GLIS3: variants seen among roughly 807,000 people sequenced by gnomAD.
The protein encoded by GLIS3 is GLIS family zinc finger 3.
GLIS3 carries 53 observed loss-of-function variants against 78.6 expected under a neutral mutation model. The ratio of observed to expected loss-of-function variants is 0.67; its 90% CI spans 0.54 to 0.85. The LOEUF (loss-of-function observed/expected upper bound fraction) is 0.85, where lower values mean the gene tolerates loss of function less well. GLIS3 is among the 40% of genes least tolerant of loss of function. GLIS3 has a pLI of 0.00. For missense variants in GLIS3, 1,703 were observed against 1,231.1 expected (o/e 1.38, Z -5.74); for synonymous variants, 684 against 509.9 (o/e 1.34, Z -4.60).
At chr9:4,424,779 A>C in the GLIS3 span, among the ~76,000 whole-genome samples, 1 of 151,680 alleles carries the variant, frequency 6.6e-6, no homozygotes, top group Admixed American at 6.6e-5. Flanking sequence ...CATGTTGCCC[A>C]GGCTGGTCTT....
At chr9:4,430,018 CTCTT>C in the GLIS3 span, among the ~76,000 whole-genome samples, 3 of 144,608 alleles carry the variant, frequency 2.1e-5, no homozygotes, top group Non-Finnish European at 4.5e-5. Context: ...GAAATCTGTC[CTCTT>C]TCTATTAAAC....
chr9:4,368,924 A>G, the GLIS3 span, among the ~76,000 whole-genome samples: 3 of 152,232 alleles, frequency 2.0e-5, no homozygotes, highest in African/African-American at 4.8e-5. Context: ...TTCAATGAGA[A>G]TAATCTAAAC....
At chr9:4,361,219 G>A in the GLIS3 span, among the ~76,000 whole-genome samples, 3 of 152,230 alleles carry the variant, frequency 2.0e-5, no homozygotes, top group South Asian at 6.2e-4. Flanking sequence ...TTTTCTCTAG[G>A]CAGTCTTAAT....
At chr9:4,305,552 A>G (rs1364497761) in intron 4 of GLIS3, 1 of 152,260 alleles carries the variant, frequency 6.6e-6, no homozygotes, top group African/African-American at 2.4e-5. Flanking sequence ...CCCTTGGTCA[A>G]AGTGAATGGC....
chr9:4,261,496 A>G (rs12378556), intron 2 of GLIS3, among the ~76,000 whole-genome samples: 33,565 of 152,114 alleles, frequency 0.22, 4,284 homozygotes, highest in South Asian at 0.46. Flanking sequence ...CTATGGTAGA[A>G]TAAAACCAGG....
chr9:4,390,630 T>C, the GLIS3 span, among the ~76,000 whole-genome samples: 1 of 152,172 alleles, frequency 6.6e-6, no homozygotes, highest in Admixed American at 6.5e-5. Flanking sequence ...GTGGTGACCC[T>C]CTGAAGAGGG....
chr9:3,962,214 T>C (rs1817613686), intron 4 of GLIS3, among the ~76,000 whole-genome samples: 1 of 151,526 alleles, frequency 6.6e-6, no homozygotes, highest in African/African-American at 2.4e-5. Flanking sequence ...AGTGAGGCCT[T>C]GTTTCAAAAA....
chr9:3,946,847 C>A (rs1172776842), intron 4 of GLIS3, among the ~76,000 whole-genome samples: 4 of 152,040 alleles, frequency 2.6e-5, no homozygotes, highest in Non-Finnish European at 4.4e-5. Context: ...AGCTAATATG[C>A]TGTCAAATAT....
the GLIS3 span, among the ~76,000 whole-genome samples, chr9:4,405,900 C>G: frequency 6.6e-6 from 1 of 152,264 alleles, no homozygotes; most frequent in Admixed American, 6.5e-5. Context: ...CCCAGGGATG[C>G]AAGGATGGTT....
chr9:4,009,873 C>A (rs1054402682), intron 4 of GLIS3, among the ~76,000 whole-genome samples: 1 of 152,154 alleles, frequency 6.6e-6, no homozygotes, highest in Non-Finnish European at 1.5e-5. Context: ...GGTCTGGCCG[C>A]CCCGGTCATA....
chr9:4,211,040 G>C (rs1056813299), intron 2 of GLIS3, among the ~76,000 whole-genome samples: 22 of 152,296 alleles, frequency 1.4e-4, no homozygotes, highest in African/African-American at 5.1e-4. Context: ...GCAAGGTTAG[G>C]CTGTGATTTC....
At chr9:4,033,888 A>T (rs867078965) in intron 4 of GLIS3, among the ~76,000 whole-genome samples, 1 of 150,858 alleles carries the variant, frequency 6.6e-6, no homozygotes, top group Non-Finnish European at 1.5e-5. Context: ...AAAAAAAAAA[A>T]AACTAGAATG....
At chr9:4,421,616 C>A in the GLIS3 span, among the ~76,000 whole-genome samples, 6 of 152,224 alleles carry the variant, frequency 3.9e-5, no homozygotes, top group African/African-American at 7.2e-5. Flanking sequence ...GTCACTGGAA[C>A]CGGCAGGGGA....
chr9:3,915,219 G>A (rs1299067600), intron 6 of GLIS3, among the ~76,000 whole-genome samples: 1 of 152,054 alleles, frequency 6.6e-6, no homozygotes, highest in Non-Finnish European at 1.5e-5. Context: ...TCCTCCTTTA[G>A]GTACTGACAC....
chr9:4,332,826 G>A (rs1817704855), intron 2 of GLIS3, among the ~76,000 whole-genome samples: 1 of 152,118 alleles, frequency 6.6e-6, no homozygotes, highest in Non-Finnish European at 1.5e-5. Context: ...AACGTCTACT[G>A]GGTACTAGAT....
rs534495359 is a variant in GLIS3 at position 4,014,089 on chromosome 9, C to A, written c.1711-76900G>T. Among the ~76,000 whole-genome samples the A allele has an allele frequency of 2.6e-5, 4 of 152,238 alleles. No individual in the cohort carries two copies. In the South Asian group the frequency reaches 8.3e-4, roughly 32 times the overall value. ...CATGTGGCCCAAGAATCAAGATAAC[C>A]CGCATGAACTCAACATTTTCTCTCA... On this transcript the variant is annotated intron_variant, in intron 4 of 10. Transcript: ENST00000381971.
In GLIS3 at chr9:4,262,571, A is replaced by G. The variant is rs115106628; in HGVS notation, c.388+23467T>C. Among the ~76,000 whole-genome samples, 1,019 of 152,278 alleles carry G rather than the reference A, an allele frequency of 6.7e-3. 10 individuals are homozygous for G. Among genetic ancestry groups the G allele is most frequent in the African/African-American group, 0.022 (925 of 41,554 alleles). ...AATAGGTAGATCCAAACAACTCAATAAATATTTACGTCCTAACAACTTAGT... is the reference window on the plus strand; with the variant it reads ...AATAGGTAGATCCAAACAACTCAATGAATATTTACGTCCTAACAACTTAGT... On this transcript the variant is annotated intron_variant, in intron 2 of 10. Transcript: ENST00000381971.
intron 6 of GLIS3, among the ~76,000 whole-genome samples, chr9:3,919,748 G>T (rs556234006): frequency 2.6e-5 from 4 of 151,936 alleles, no homozygotes; most frequent in African/African-American, 9.6e-5. Context: ...TACCAAGAAA[G>T]GGGCTTGAAG....
chr9:3,888,657 G>A (rs1822234313), intron 7 of GLIS3, among the ~76,000 whole-genome samples: 1 of 152,156 alleles, frequency 6.6e-6, no homozygotes, highest in Admixed American at 6.6e-5. Context: ...AGCTGGTTTT[G>A]TTATGACTCC....
Sources: gnomAD v4.1 joint callset for allele counts (sites outside exome capture counted in the v4.1 genomes callset) on GRCh38, gnomAD v4.1.1 for gene constraint, MANE v1.5 for transcripts, NCBI Gene and HGNC (gene_info 2026-07-23, HGNC 2026-07-21) for gene names.